The following KCNK10 variants were observed in gnomAD, a reference collection of about 807,000 sequenced individuals.
KCNK10 encodes the protein potassium two pore domain channel subfamily K member 10.
KCNK10 carries 25 observed loss-of-function variants against 47.7 expected under a neutral mutation model. The observed-to-expected ratio is 0.52, with a 90% confidence interval of 0.38 to 0.73. The LOEUF (loss-of-function observed/expected upper bound fraction) is 0.73. Ranked by LOEUF, KCNK10 falls within the 30% of genes least tolerant of loss-of-function variation. The probability of loss-of-function intolerance (pLI) is 0.00; values close to 1 mark genes in which losing one functional copy is unlikely to be tolerated. For missense variants in KCNK10, 563 were observed against 714.5 expected (o/e 0.79, Z 2.42); for synonymous variants, 303 against 285.6 (o/e 1.06, Z -0.61).
At chr14:88,264,331 T>A (rs2139755270) in intron 1 of KCNK10, among the ~76,000 whole-genome samples, 1 of 152,374 alleles carries the variant, frequency 6.6e-6, no homozygotes, top group East Asian at 1.9e-4. Context: ...CACGCAATGC[T>A]ATCATGCATC....
intron 1 of KCNK10, among the ~76,000 whole-genome samples, chr14:88,265,845 C>T (rs960531238): frequency 2.2e-4 from 33 of 152,214 alleles, no homozygotes; most frequent in African/African-American, 8.0e-4. Context: ...TGCCTGCTGC[C>T]ATGTAAGATG....
chr14:88,219,299 A>G (rs1885720774), intron 4 of KCNK10, among the ~76,000 whole-genome samples: 1 of 152,218 alleles, frequency 6.6e-6, no homozygotes, highest in Non-Finnish European at 1.5e-5. Context: ...AGATAAAAGA[A>G]TGCATTCCAA....
chr14:88,321,424 C>T (rs1888544344), intron 1 of KCNK10, among the ~76,000 whole-genome samples: 2 of 152,206 alleles, frequency 1.3e-5, no homozygotes, highest in Admixed American at 6.5e-5. Flanking sequence ...CTGTCTCCCT[C>T]ACTGTAAACT....
intron 4 of KCNK10, among the ~76,000 whole-genome samples, chr14:88,221,547 A>G (rs1282233607): frequency 3.9e-5 from 6 of 152,210 alleles, no homozygotes; most frequent in Admixed American, 6.5e-5. Flanking sequence ...CACCGACAAC[A>G]GCAAATGCTG....
Position 88,271,879 on chromosome 14 carries a change from T to G in KCNK10, c.53-8328A>C, listed in dbSNP as rs148441258. Among the ~76,000 whole-genome samples, 4 of 151,414 alleles carry G rather than the reference T, an allele frequency of 2.6e-5. No homozygotes were observed. In the East Asian group the frequency reaches 5.8e-4, roughly 22 times the overall value. ...GACTTGTAAGCTCGACAGTTTCCCC[T>G]GATTTTTCCCCAAATCTCTTCTTGT... is the stretch of plus-strand genomic sequence containing the variant. On this transcript the variant is annotated intron_variant, in intron 1 of 6. Transcript: ENST00000319231.
intron 2 of KCNK10, among the ~76,000 whole-genome samples, chr14:88,261,319 T>A (rs189119545): frequency 6.6e-6 from 1 of 152,314 alleles, no homozygotes; most frequent in East Asian, 1.9e-4. Context: ...ATCACAACAA[T>A]GTGTATAAAT....
At chr14:88,192,436 G>C in intron 4 of KCNK10, 26 bp from the exon 5 acceptor site, 1 of 1,600,860 alleles carries the variant, frequency 6.2e-7, no homozygotes, top group Non-Finnish European at 8.5e-7. Flanking sequence ...GAGAAAGATA[G>C]GCAAGTCAGC....
intron 4 of KCNK10, among the ~76,000 whole-genome samples, chr14:88,209,224 T>C (rs1419588667): frequency 1.3e-5 from 2 of 152,224 alleles, no homozygotes; most frequent in Non-Finnish European, 2.9e-5. Context: ...TTGATGCATT[T>C]TTATAAAAAT....
At chr14:88,306,581 C>A (rs1417656519) in intron 1 of KCNK10, among the ~76,000 whole-genome samples, 1 of 152,022 alleles carries the variant, frequency 6.6e-6, no homozygotes, top group Non-Finnish European at 1.5e-5. Context: ...TGGTACCACG[C>A]CTTTTCCTTC....
chr14:88,288,484 C>T (rs1209009061), intron 1 of KCNK10, among the ~76,000 whole-genome samples: 4 of 152,176 alleles, frequency 2.6e-5, no homozygotes, highest in Non-Finnish European at 5.9e-5. Flanking sequence ...ATCCTGATTT[C>T]ATTCCACCAC....
At chr14:88,283,444 C>A (rs2139774539) in intron 1 of KCNK10, among the ~76,000 whole-genome samples, 1 of 152,224 alleles carries the variant, frequency 6.6e-6, no homozygotes, top group South Asian at 2.1e-4. Context: ...AGACCTTGAG[C>A]CTGAAGTTAG....
chr14:88,234,844 T>C (rs924328270), intron 3 of KCNK10, among the ~76,000 whole-genome samples: 2 of 152,176 alleles, frequency 1.3e-5, no homozygotes, highest in African/African-American at 2.4e-5. Flanking sequence ...GATTCCAGCA[T>C]ATGTGTAAGA....
At chr14:88,218,870 A>G (rs1312615986) in intron 4 of KCNK10, among the ~76,000 whole-genome samples, 1 of 152,198 alleles carries the variant, frequency 6.6e-6, no homozygotes, top group Admixed American at 6.5e-5. Flanking sequence ...GATATTTGGG[A>G]TGCTAACTGC....
chr14:88,301,410 T>A (rs917134657), intron 1 of KCNK10, among the ~76,000 whole-genome samples: 12 of 152,190 alleles, frequency 7.9e-5, no homozygotes, highest in African/African-American at 2.9e-4. Flanking sequence ...TATTAATTTT[T>A]AAAATTTTGA....
rs533692168 is a variant in KCNK10 at position 88,275,264 on chromosome 14, C to T, written c.53-11713G>A. ...CCCAGCCCTCTGGCTCCTCCACTTC[C>T]TACTCTTCCCCGTGGCCATCAGTGG... On this transcript the variant is annotated intron_variant, in intron 1 of 6. Coordinates refer to ENST00000319231, the MANE Select transcript of KCNK10 (RefSeq NM_138317.3). Among the ~76,000 whole-genome samples the T allele has an allele frequency of 3.9e-5, 6 of 152,046 alleles. No homozygotes were observed. In the East Asian group the frequency reaches 5.8e-4, roughly 15 times the overall value.
intron 4 of KCNK10, among the ~76,000 whole-genome samples, chr14:88,217,784 A>T (rs1226194926): frequency 6.6e-6 from 1 of 151,690 alleles, no homozygotes; most frequent in African/African-American, 2.4e-5. Flanking sequence ...GTGCAGTGAC[A>T]CAATCTCAGC....
chr14:88,212,424 G>A (rs1327289351), intron 4 of KCNK10, among the ~76,000 whole-genome samples: 1 of 151,004 alleles, frequency 6.6e-6, no homozygotes, highest in Non-Finnish European at 1.5e-5. Flanking sequence ...TGGGCAACAA[G>A]AGCAAAACTC....
chr14:88,201,181 C>T (rs1056068460), intron 4 of KCNK10, among the ~76,000 whole-genome samples: 4 of 152,214 alleles, frequency 2.6e-5, no homozygotes, highest in South Asian at 2.1e-4. Flanking sequence ...AGTACCTTGA[C>T]ATCCTAGGGG....
chr14:88,225,826 T>C (rs1885965808), intron 4 of KCNK10, among the ~76,000 whole-genome samples: 1 of 152,192 alleles, frequency 6.6e-6, no homozygotes, highest in South Asian at 2.1e-4. Context: ...AAAGAGTTCT[T>C]GGAGACAGGG....
Sources: gnomAD v4.1 joint callset for allele counts (sites outside exome capture counted in the v4.1 genomes callset) on GRCh38, gnomAD v4.1.1 for gene constraint, MANE v1.5 for transcripts, NCBI Gene and HGNC (gene_info 2026-07-23, HGNC 2026-07-21) for gene names.